Variants in NME9 observed in about 807,000 individuals in gnomAD.
NME9 encodes the protein thioredoxin domain-containing protein 6.
A neutral mutation model predicts 44.4 loss-of-function variants in NME9; 48 were observed. The observed-to-expected ratio is 1.08, with a 90% CI of 0.86 to 1.37. The LOEUF (loss-of-function observed/expected upper bound fraction) is 1.37. Ranked by LOEUF, NME9 falls within the 40% of genes most tolerant of loss-of-function variation. The pLI, the probability that NME9 is intolerant of heterozygous loss-of-function variation, is 0.00. For missense variants in NME9, 325 were observed against 405.2 expected (o/e 0.80, Z 1.70); for synonymous variants, 139 against 147.1 (o/e 0.94, Z 0.40).
chr3:138,295,759 T>C, intron 8 of NME9: 1 of 1,389,174 alleles, frequency 7.2e-7, no homozygotes, highest in East Asian at 2.3e-5. Context: ...TCTGGAGATT[T>C]ACTTTTTTAG....
chr3:138,281,515 T>C lies in NME9; in HGVS notation c.746-18929A>G, dbSNP rs1226074334. 4.6e-5 allele frequency among the ~76,000 whole-genome samples: 7 copies of C among 152,086 alleles called. No individual in the cohort carries two copies. The East Asian group carries it at 1.3e-3, about 29-fold the overall frequency. On this transcript the variant is annotated intron_variant, in intron 8 of 8. Coordinates refer to the NME9 transcript ENST00000317876. Reference sequence around the variant, plus strand: ...ACCATATTGGCCAGGATGGTCTCAATCTCTTGACCTCGTAATCCACCCGCT... The same window carrying C: ...ACCATATTGGCCAGGATGGTCTCAACCTCTTGACCTCGTAATCCACCCGCT...
chr3:138,318,443 G>C (rs186210727), intron 3 of NME9, among the ~76,000 whole-genome samples: 1,509 of 130,628 alleles, frequency 0.012, 19 homozygotes, highest in African/African-American at 0.066. Context: ...TCTCCTACCC[G>C]CCCCCCAGCT....
chr3:138,290,572 C>A, intron 8 of NME9: 1 of 1,606,570 alleles, frequency 6.2e-7, no homozygotes, highest in Middle Eastern at 1.7e-4. Context: ...GGATAAATTA[C>A]GAGACATGGG....
In NME9 at chr3:138,329,771, T is replaced by C. The variant is rs886608507; in HGVS notation, c.-436A>G. The C allele has an allele frequency of 8.0e-6, 8 of 995,636 alleles. No individual in the cohort carries two copies. The highest frequency in any genetic ancestry group is 9.6e-6 in the Non-Finnish European group (8 of 836,628). 61.7% of individuals were successfully genotyped at this position (995,636 alleles called of 1,614,324 possible). A position where few individuals can be genotyped will look rare whatever the true frequency, so the allele number is the denominator to read the frequency against. On this transcript the variant is annotated 5_prime_UTR_variant, in exon 1 of 11. Transcript: ENST00000333911. The stretch of plus-strand genomic sequence containing the variant: ...ATGGATTACTGGGAAAGTGAGCCAC[T>C]GCGAACGACAGGTACAAGATCTTCG...
Position 138,307,595 on chromosome 3 carries a change from C to T in NME9, c.461-1115G>A, listed in dbSNP as rs569880435. 3.5e-4 allele frequency among the ~76,000 whole-genome samples: 54 copies of T among 152,208 alleles called. 1 individual carries two copies. In the South Asian group the frequency reaches 0.011, roughly 30 times the overall value. On this transcript the variant is annotated intron_variant, in intron 6 of 10. Coordinates refer to ENST00000333911, the MANE Select transcript of NME9 (RefSeq NM_001349018.2). Reference sequence around the variant, plus strand: ...TTCTTTCTGACATTACTATTTCTAACGTGTTATGAATATTTAGATTTTAAG... The same window carrying T: ...TTCTTTCTGACATTACTATTTCTAATGTGTTATGAATATTTAGATTTTAAG...
chr3:138,281,179 A>G (rs1165500376), intron 8 of NME9, among the ~76,000 whole-genome samples: 3 of 152,056 alleles, frequency 2.0e-5, no homozygotes, highest in African/African-American at 2.4e-5. Flanking sequence ...AGTTGTTCAT[A>G]TTAGTATATA....
intron 8 of NME9, among the ~76,000 whole-genome samples, chr3:138,292,519 C>T (rs2051061790): frequency 5.3e-5 from 8 of 152,080 alleles, no homozygotes; most frequent in Admixed American, 5.2e-4. Context: ...TGAAGATAAG[C>T]ACCAACGGGA....
intron 6 of NME9, among the ~76,000 whole-genome samples, chr3:138,306,911 C>G (rs1233377243): frequency 2.0e-5 from 3 of 152,174 alleles, no homozygotes; most frequent in Admixed American, 6.5e-5. Flanking sequence ...CAATACAGGC[C>G]TGGCTGCCCT....
At chr3:138,281,146 T>C (rs963816858) in intron 8 of NME9, among the ~76,000 whole-genome samples, 3 of 152,136 alleles carry the variant, frequency 2.0e-5, no homozygotes, top group Admixed American at 2.0e-4. Context: ...TTTACCAGTC[T>C]CTGCTCTATT....
intron 4 of NME9, among the ~76,000 whole-genome samples, chr3:138,316,122 G>A (rs976308277): frequency 2.0e-5 from 3 of 152,184 alleles, no homozygotes; most frequent in South Asian, 4.2e-4. Flanking sequence ...GTGAGCCACC[G>A]CACCTGGCCA....
chr3:138,326,817 A>C (rs1367357702), intron 1 of NME9, among the ~76,000 whole-genome samples: 3 of 151,948 alleles, frequency 2.0e-5, no homozygotes, highest in Admixed American at 6.6e-5. Flanking sequence ...AAGGGCAAGA[A>C]ACATGTAACA....
intron 6 of NME9, among the ~76,000 whole-genome samples, chr3:138,309,617 G>A (rs543517636): frequency 2.6e-5 from 4 of 152,236 alleles, no homozygotes; most frequent in East Asian, 3.9e-4. Context: ...CCCAGGAGGC[G>A]GAGGTTGCAG....
At chr3:138,291,218 G>A (rs1296941737) in intron 8 of NME9, among the ~76,000 whole-genome samples, 1 of 152,270 alleles carries the variant, frequency 6.6e-6, no homozygotes, top group Non-Finnish European at 1.5e-5. Flanking sequence ...ACAAATCAGG[G>A]AACATCAGTA....
chr3:138,268,493 G>A (rs1051518537), intron 8 of NME9, among the ~76,000 whole-genome samples: 18 of 152,164 alleles, frequency 1.2e-4, no homozygotes, highest in Admixed American at 2.6e-4. Flanking sequence ...CTACCTTCAG[G>A]ATATTTAGGG....
chr3:138,328,744 T>G (rs1048958455), intron 1 of NME9, among the ~76,000 whole-genome samples: 5 of 152,200 alleles, frequency 3.3e-5, no homozygotes, highest in African/African-American at 1.2e-4. Flanking sequence ...GCTTCTGAAT[T>G]CACTTGTCCC....
In NME9 at chr3:138,266,527, C is replaced by A. The variant is rs115901059; in HGVS notation, c.746-3941G>T. Among the ~76,000 whole-genome samples, 528 of 152,222 alleles carry A rather than the reference C, an allele frequency of 3.5e-3. 2 individuals carry two copies. Among genetic ancestry groups the A allele is most frequent in the African/African-American group, 0.012 (499 of 41,516 alleles). ...TTTTCATTTCCCTGCTACGGTACTTCCCTTATTATTCACTATATCACATTT... is the reference window on the plus strand; with the variant it reads ...TTTTCATTTCCCTGCTACGGTACTTACCTTATTATTCACTATATCACATTT... On this transcript the variant is annotated intron_variant, in intron 8 of 8. Transcript: ENST00000317876.
At chr3:138,305,593 G>T (rs1156342848) in intron 8 of NME9, among the ~76,000 whole-genome samples, 1 of 152,126 alleles carries the variant, frequency 6.6e-6, no homozygotes, top group Non-Finnish European at 1.5e-5. Context: ...AAGCCAAGAA[G>T]ACTCCCAAGC....
At chr3:138,288,541 A>G (rs1211573232) in intron 8 of NME9, among the ~76,000 whole-genome samples, 1 of 151,560 alleles carries the variant, frequency 6.6e-6, no homozygotes, top group East Asian at 1.9e-4. Flanking sequence ...CAGATTCTCC[A>G]CTGTCCCTTG....
At chr3:138,289,501 A>G (rs542190753) in intron 8 of NME9, among the ~76,000 whole-genome samples, 2 of 152,344 alleles carry the variant, frequency 1.3e-5, no homozygotes, top group Admixed American at 1.3e-4. Context: ...CTACAGGCAG[A>G]TAAGCATGAT....
Sources: allele counts gnomAD v4.1 joint callset (sites outside exome capture counted in the v4.1 genomes callset), GRCh38; gene constraint gnomAD v4.1.1; transcripts MANE v1.5; gene names NCBI Gene and HGNC (gene_info 2026-07-23, HGNC 2026-07-21).